The following COL19A1 variants were observed in gnomAD, a reference collection of about 807,000 sequenced individuals.
COL19A1 encodes collagen type XIX alpha 1 chain, also known as collagen alpha-1(XIX) chain.
Under a neutral mutation model 190.2 loss-of-function variants are expected in COL19A1, and 159 were observed. That is an observed-to-expected ratio of 0.84 (90% confidence interval 0.73 to 0.95). The LOEUF is 0.95. Ranked by LOEUF, COL19A1 falls within the 40% of genes least tolerant of loss-of-function variation. COL19A1 has a pLI of 0.00. For synonymous variants in COL19A1, 509 were observed against 458.9 expected, an observed-to-expected ratio of 1.11 and a Z score of -1.39; for missense variants, 1,418 against 1,431.9, an observed-to-expected ratio of 0.99 and a Z score of 0.16.
At chr6:69,918,336 G>A (rs1296153566) in intron 4 of COL19A1, among the ~76,000 whole-genome samples, 2 of 152,094 alleles carry the variant, frequency 1.3e-5, no homozygotes, top group Non-Finnish European at 1.5e-5. Context: ...GATGGTGGCC[G>A]CTTGGGATAG....
At chr6:69,963,327 A>G (rs1774911048) in intron 11 of COL19A1, among the ~76,000 whole-genome samples, 1 of 152,230 alleles carries the variant, frequency 6.6e-6, no homozygotes, top group Non-Finnish European at 1.5e-5. Flanking sequence ...AATAATTTCA[A>G]AGAGTTTAAT....
intron 34 of COL19A1, among the ~76,000 whole-genome samples, chr6:70,159,103 C>CA (rs1787617744): frequency 6.6e-6 from 1 of 151,078 alleles, no homozygotes; most frequent in South Asian, 2.1e-4. Context: ...TCTAAAAACT[C>CA]ACTCAACATC....
intron 11 of COL19A1, among the ~76,000 whole-genome samples, chr6:70,022,685 T>C (rs531345091): frequency 1.2e-4 from 18 of 152,334 alleles, no homozygotes; most frequent in African/African-American, 3.6e-4. Context: ...TATATATTGG[T>C]TAACATTTAT....
chr6:70,086,934 G>A (rs1438231808), intron 15 of COL19A1, among the ~76,000 whole-genome samples: 1 of 152,136 alleles, frequency 6.6e-6, no homozygotes, highest in Non-Finnish European at 1.5e-5. Context: ...TAAACCAATG[G>A]ACACAATAGA....
At chr6:70,166,823 C>A (rs1023931561) in intron 37 of COL19A1, among the ~76,000 whole-genome samples, 2 of 151,554 alleles carry the variant, frequency 1.3e-5, no homozygotes, top group African/African-American at 4.9e-5. Flanking sequence ...TTTCCCTTGA[C>A]AAGAAAGCAG....
intron 4 of COL19A1, among the ~76,000 whole-genome samples, chr6:69,915,957 T>A (rs1176073541): frequency 2.3e-5 from 3 of 132,038 alleles, no homozygotes; most frequent in Admixed American, 7.6e-5. Context: ...TTTTTTTTTT[T>A]AGACAGAGTC....
At chr6:69,983,239 G>T (rs896139270) in intron 11 of COL19A1, among the ~76,000 whole-genome samples, 1 of 151,756 alleles carries the variant, frequency 6.6e-6, no homozygotes, top group East Asian at 1.9e-4. Context: ...CATAATTTTC[G>T]TTAGATTTAT....
At chr6:70,182,492 G>T (rs1250407160) in intron 44 of COL19A1, among the ~76,000 whole-genome samples, 1 of 152,196 alleles carries the variant, frequency 6.6e-6, no homozygotes, top group Non-Finnish European at 1.5e-5. Flanking sequence ...ACCAATTAGG[G>T]TATCTAAACC....
At chr6:69,992,842 A>G (rs1434438864) in intron 11 of COL19A1, among the ~76,000 whole-genome samples, 1 of 152,020 alleles carries the variant, frequency 6.6e-6, no homozygotes, top group Non-Finnish European at 1.5e-5. Context: ...TCTGAGATCT[A>G]GGAGCATTTG....
intron 2 of COL19A1, among the ~76,000 whole-genome samples, chr6:69,892,352 T>G (rs1294868507): frequency 6.6e-6 from 1 of 152,176 alleles, no homozygotes; most frequent in Non-Finnish European, 1.5e-5. Flanking sequence ...AGCGAAAACT[T>G]AAAAACAACT....
rs115859278 is a variant in COL19A1 at position 69,869,876 on chromosome 6, A to G, written c.-33+3236A>G. On this transcript the variant is annotated intron_variant, in intron 1 of 50. Transcript: ENST00000620364. Reference sequence around the variant, plus strand: ...ATGTAGACACTAGTTTGGAAGTAACAGAAGTAATAACAAAACTGAGGAAAT... The same window carrying G: ...ATGTAGACACTAGTTTGGAAGTAACGGAAGTAATAACAAAACTGAGGAAAT... 4.8e-3 allele frequency among the ~76,000 whole-genome samples: 732 copies of G among 152,362 alleles called. 4 individuals are homozygous for G. Among genetic ancestry groups the G allele is most frequent in the African/African-American group, 0.017 (688 of 41,578 alleles).
chr6:69,895,524 G>A (rs1209572060), intron 2 of COL19A1, among the ~76,000 whole-genome samples: 2 of 152,136 alleles, frequency 1.3e-5, no homozygotes, highest in South Asian at 2.1e-4. Flanking sequence ...GGAAGGAAAG[G>A]CAGAAACAGG....
chr6:70,138,552 C>T (rs1313377799), intron 19 of COL19A1, among the ~76,000 whole-genome samples: 1 of 152,038 alleles, frequency 6.6e-6, no homozygotes, highest in Non-Finnish European at 1.5e-5. Context: ...CCTTTCTTTA[C>T]GAGACTGAAT....
intron 14 of COL19A1, among the ~76,000 whole-genome samples, chr6:70,050,959 C>T (rs1050075865): frequency 1.3e-5 from 2 of 152,086 alleles, no homozygotes; most frequent in Non-Finnish European, 2.9e-5. Context: ...AAACCAGATT[C>T]TATCCTTAAA....
At chr6:69,931,014 C>G (rs1333544178) in intron 6 of COL19A1, among the ~76,000 whole-genome samples, 1 of 152,134 alleles carries the variant, frequency 6.6e-6, no homozygotes, top group Non-Finnish European at 1.5e-5. Context: ...TTGAGTTAAA[C>G]AAACAAAATA....
intron 14 of COL19A1, among the ~76,000 whole-genome samples, chr6:70,067,292 G>T (rs367746663): frequency 6.6e-6 from 1 of 152,144 alleles, no homozygotes; most frequent in Admixed American, 6.6e-5. Context: ...GGAGTGGAGA[G>T]AAATGGATGA....
At chr6:70,184,971 T>C in intron 46 of COL19A1, 56 bp downstream of exon 46, 1 of 1,532,438 alleles carries the variant, frequency 6.5e-7, no homozygotes, top group Admixed American at 1.8e-5. Flanking sequence ...AACTGTCCCA[T>C]CATTTGAGTT....
chr6:69,873,597 A>G lies in COL19A1; in HGVS notation c.-32-5939A>G, dbSNP rs540228744. 6.6e-5 allele frequency among the ~76,000 whole-genome samples: 10 copies of G among 152,338 alleles called. No individual in the cohort carries two copies. The East Asian group carries it at 1.5e-3, about 23-fold the overall frequency. ...AAGGTATTTGCTGAAGAAAAATGAGAAAGCATATTATTTTTTATGAGTGTT... is the reference window on the plus strand; with the variant it reads ...AAGGTATTTGCTGAAGAAAAATGAGGAAGCATATTATTTTTTATGAGTGTT... On this transcript the variant is annotated intron_variant, in intron 1 of 50. Transcript: ENST00000620364.
intron 9 of COL19A1, among the ~76,000 whole-genome samples, chr6:69,947,064 T>G (rs1773865775): frequency 1.3e-5 from 2 of 151,928 alleles, no homozygotes; most frequent in African/African-American, 4.8e-5. Context: ...TCTGGCCCTT[T>G]GTTGAAAAAG....
Sources: gnomAD v4.1 joint callset for allele counts (sites outside exome capture counted in the v4.1 genomes callset) on GRCh38, gnomAD v4.1.1 for gene constraint, MANE v1.5 for transcripts, NCBI Gene and HGNC (gene_info 2026-07-23, HGNC 2026-07-21) for gene names.